The following ANTXR1 variants were observed in gnomAD, a reference collection of about 807,000 sequenced individuals.
The protein encoded by ANTXR1 is ANTXR cell adhesion molecule 1, also known as anthrax toxin receptor 1.
In ANTXR1, 19 loss-of-function variants were observed where a neutral mutation model predicts 78.1. That is an observed-to-expected ratio of 0.24 (90% CI 0.17 to 0.36). The LOEUF (loss-of-function observed/expected upper bound fraction) is 0.36, where lower values mean the gene tolerates loss of function less well. Among genes scored for constraint, ANTXR1 ranks in the 10% least tolerant of loss-of-function variants. The pLI is 1.00. For missense variants in ANTXR1, 518 were observed against 718.6 expected (o/e 0.72, Z 3.19); for synonymous variants, 273 against 260.5 (o/e 1.05, Z -0.46).
intron 14 of ANTXR1, among the ~76,000 whole-genome samples, chr2:69,180,073 C>T (rs1162214286): frequency 6.6e-6 from 1 of 152,210 alleles, no homozygotes; most frequent in African/African-American, 2.4e-5. Flanking sequence ...TTTTGAAAAT[C>T]ATTTTAAAGA....
In ANTXR1 at chr2:69,106,707, T is replaced by G. The variant is rs556802465; in HGVS notation, c.802+3767T>G. Among the ~76,000 whole-genome samples, 3 of 152,352 alleles carry G rather than the reference T, an allele frequency of 2.0e-5. No homozygotes were observed. In the East Asian group the frequency reaches 5.8e-4, roughly 29 times the overall value. On this transcript the variant is annotated intron_variant, in intron 10 of 17. Coordinates refer to ENST00000303714, the MANE Select transcript of ANTXR1 (RefSeq NM_032208.3). ...AAATGTGTCCGTGATCTTCCTGATC[T>G]CTGTGGCCCTACAGAGGCCATGCAC...
At chr2:69,191,916 T>C (rs1354069505) in intron 16 of ANTXR1, among the ~76,000 whole-genome samples, 1 of 152,110 alleles carries the variant, frequency 6.6e-6, no homozygotes, top group Admixed American at 6.5e-5. Context: ...CTCCATTTCC[T>C]CTCCACAGCC....
intron 9 of ANTXR1, among the ~76,000 whole-genome samples, chr2:69,091,837 G>T (rs1397398617): frequency 6.6e-6 from 1 of 152,208 alleles, no homozygotes; most frequent in Non-Finnish European, 1.5e-5. Flanking sequence ...CGAGTCACAA[G>T]ATTTTCTCTA....
intron 4 of ANTXR1, among the ~76,000 whole-genome samples, chr2:69,071,148 G>C (rs1406310755): frequency 6.6e-6 from 1 of 151,942 alleles, no homozygotes; most frequent in African/African-American, 2.4e-5. Flanking sequence ...ACAAGTACTA[G>C]GCCATAAGGA....
chr2:69,230,339 A>G (rs530792450), intron 17 of ANTXR1, among the ~76,000 whole-genome samples: 1 of 151,984 alleles, frequency 6.6e-6, no homozygotes, highest in South Asian at 2.1e-4. Flanking sequence ...ACAATGGTTT[A>G]TCGACCTTCC....
At chr2:69,046,674 A>T (rs1008020233) in intron 3 of ANTXR1, among the ~76,000 whole-genome samples, 1 of 152,170 alleles carries the variant, frequency 6.6e-6, no homozygotes, top group African/African-American at 2.4e-5. Context: ...TGTGGGCAAG[A>T]TCTCTCTGAA....
At chr2:69,140,996 T>A (rs1464091451) in intron 12 of ANTXR1, among the ~76,000 whole-genome samples, 1 of 152,238 alleles carries the variant, frequency 6.6e-6, no homozygotes, top group Non-Finnish European at 1.5e-5. Flanking sequence ...CCCTCATTTA[T>A]GGTTGATCAG....
intron 10 of ANTXR1, among the ~76,000 whole-genome samples, chr2:69,111,012 T>A: frequency 6.6e-6 from 1 of 152,252 alleles, no homozygotes. Context: ...CTTTCTTCTT[T>A]CCATCTATCT....
In ANTXR1 at chr2:69,156,014, ACCTTCCCGGTGGTGTGTGTTCTCC is replaced by A. The variant is rs575376336; in HGVS notation, c.1047+3754_1047+3777del. On this transcript the variant is annotated intron_variant, in intron 13 of 17. Transcript: ENST00000303714. ...ATCTCCCCTCTGTCCCTATACCTAC[ACCTTCCCGGTGGTGTGTGTTCTCC>A]CCTCCCGCTCCCAAGATATCAGTCA... 8.2e-3 allele frequency among the ~76,000 whole-genome samples: 1,244 copies of A among 150,972 alleles called. 5 individuals are homozygous for A. Among genetic ancestry groups the A allele is most frequent in the Non-Finnish European group, 0.012 (817 of 67,504 alleles).
At chr2:69,176,441 T>A (rs1305220939) in intron 14 of ANTXR1, among the ~76,000 whole-genome samples, 3 of 152,240 alleles carry the variant, frequency 2.0e-5, no homozygotes, top group African/African-American at 7.2e-5. Flanking sequence ...GGGATCTCCC[T>A]GACTTCTCCC....
At chr2:69,109,232 G>T (rs573709116) in intron 10 of ANTXR1, among the ~76,000 whole-genome samples, 1 of 152,184 alleles carries the variant, frequency 6.6e-6, no homozygotes, top group Non-Finnish European at 1.5e-5. Flanking sequence ...AGTGTTGGCT[G>T]CTGGTACTAC....
At chr2:69,053,813 T>C (rs1337705523) in intron 3 of ANTXR1, among the ~76,000 whole-genome samples, 1 of 152,156 alleles carries the variant, frequency 6.6e-6, no homozygotes, top group Admixed American at 6.6e-5. Flanking sequence ...AATTCTTTGC[T>C]CAAATTCATT....
chr2:69,110,313 G>C (rs1671936639), intron 10 of ANTXR1, among the ~76,000 whole-genome samples: 1 of 152,102 alleles, frequency 6.6e-6, no homozygotes, highest in Non-Finnish European at 1.5e-5. Context: ...TGTTTACAAA[G>C]ACTTGGCCAC....
chr2:69,175,973 T>C (rs1674109756), intron 14 of ANTXR1, among the ~76,000 whole-genome samples: 1 of 152,056 alleles, frequency 6.6e-6, no homozygotes, highest in Non-Finnish European at 1.5e-5. Context: ...CTTCCAGCCA[T>C]GTCTACACAG....
At chr2:69,238,979 A>C (rs1675836914) in intron 17 of ANTXR1, among the ~76,000 whole-genome samples, 1 of 152,186 alleles carries the variant, frequency 6.6e-6, no homozygotes. Flanking sequence ...ACCACTGGCA[A>C]GTCTTTTGCA....
chr2:69,015,139 G>A (rs7561996), intron 1 of ANTXR1, among the ~76,000 whole-genome samples: 34,256 of 151,240 alleles, frequency 0.23, 6,452 homozygotes, highest in African/African-American at 0.52. Flanking sequence ...ATACTATAGA[G>A]ATATGGATAC....
At chr2:69,129,294 A>C (rs1306164594) in intron 12 of ANTXR1, among the ~76,000 whole-genome samples, 1 of 152,224 alleles carries the variant, frequency 6.6e-6, no homozygotes, top group Non-Finnish European at 1.5e-5. Context: ...CTTTTCATGA[A>C]GATTGTTTTC....
intron 10 of ANTXR1, among the ~76,000 whole-genome samples, chr2:69,107,783 G>T (rs1244423757): frequency 1.3e-5 from 2 of 152,144 alleles, no homozygotes; most frequent in African/African-American, 4.8e-5. Context: ...ATGCCAAGAA[G>T]ATATTAAAAT....
At chr2:69,211,005 A>G (rs1396677664) in intron 17 of ANTXR1, among the ~76,000 whole-genome samples, 1 of 152,042 alleles carries the variant, frequency 6.6e-6, no homozygotes, top group East Asian at 1.9e-4. Context: ...ACTGGCAGTA[A>G]GATAAAGAAG....
Sources: gnomAD v4.1 joint callset for allele counts (sites outside exome capture counted in the v4.1 genomes callset) on GRCh38, gnomAD v4.1.1 for gene constraint, MANE v1.5 for transcripts, NCBI Gene and HGNC (gene_info 2026-07-23, HGNC 2026-07-21) for gene names.